ERBB4: variants seen among roughly 807,000 people sequenced by gnomAD.
ERBB4 encodes receptor tyrosine-protein kinase erbB-4.
ERBB4 carries 42 observed loss-of-function variants against 158.0 expected under a neutral mutation model. That is an observed-to-expected ratio of 0.27 (90% CI 0.21 to 0.34). The LOEUF is 0.34. Ranked by LOEUF, ERBB4 falls within the 10% of genes least tolerant of loss-of-function variation. ERBB4 has a pLI of 1.00. For missense variants in ERBB4, 1,333 were observed against 1,624.1 expected, an observed-to-expected ratio of 0.82 and a Z score of 3.08; for synonymous variants, 583 against 558.7, an observed-to-expected ratio of 1.04 and a Z score of -0.61.
chr2:212,518,707 T>C (rs1691976344), intron 1 of ERBB4, among the ~76,000 whole-genome samples: 1 of 151,986 alleles, frequency 6.6e-6, no homozygotes, highest in African/African-American at 2.4e-5. Context: ...ACAGCCCAAG[T>C]TGTTAAATGC....
At chr2:211,820,696 T>A (rs889363061) in intron 3 of ERBB4, among the ~76,000 whole-genome samples, 16 of 151,530 alleles carry the variant, frequency 1.1e-4, no homozygotes, top group Non-Finnish European at 2.2e-4. Flanking sequence ...CACCAAAATA[T>A]GAGGAAACCA....
chr2:212,049,379 TC>T (rs2077341062), intron 2 of ERBB4, among the ~76,000 whole-genome samples: 1 of 152,184 alleles, frequency 6.6e-6, no homozygotes, highest in Non-Finnish European at 1.5e-5. Flanking sequence ...AGTTTTGTTT[TC>T]CCTATTATTT....
At chr2:211,894,382 A>G (rs1357993272) in intron 3 of ERBB4, among the ~76,000 whole-genome samples, 1 of 139,038 alleles carries the variant, frequency 7.2e-6, no homozygotes, top group Non-Finnish European at 1.5e-5. Context: ...GGACACAGGA[A>G]GGGGAATATC....
At position 212,538,618 on chromosome 2, in the gene ERBB4, G is replaced by T; in HGVS notation, c.-88C>A. On this transcript the variant is annotated 5_prime_UTR_variant, in exon 1 of 28. Transcript: ENST00000342788. ...GGCACGCGGAGGAGATCCCCCAGCC[G>T]GGCGCGCGTGGGGGTGCGAGGGGGG... The T allele has an allele frequency of 7.3e-7, 1 of 1,369,730 alleles. No individual in the cohort carries two copies. The highest frequency in any genetic ancestry group is 1.2e-5 in the South Asian group (1 of 85,702). 84.8% of individuals were successfully genotyped at this position (1,369,730 alleles called of 1,614,324 possible).
At chr2:211,670,535 A>G (rs1249659911) in intron 14 of ERBB4, among the ~76,000 whole-genome samples, 1 of 152,204 alleles carries the variant, frequency 6.6e-6, no homozygotes, top group African/African-American at 2.4e-5. Context: ...TCACTAGCAC[A>G]ATTTTATGCA....
At chr2:212,285,178 G>T (rs1055144510) in intron 1 of ERBB4, among the ~76,000 whole-genome samples, 2 of 152,030 alleles carry the variant, frequency 1.3e-5, no homozygotes, top group African/African-American at 2.4e-5. Flanking sequence ...ATAGACTTTC[G>T]CCAAAACAGA....
At chr2:211,424,389 T>TA in intron 22 of ERBB4, 88 bp from the exon 23 acceptor site, 1 of 891,656 alleles carries the variant, frequency 1.1e-6, no homozygotes, top group Non-Finnish European at 1.8e-6. Context: ...AGAATACTCC[T>TA]TACAGGTCAA....
rs372230948 is a variant in ERBB4 at position 212,519,665 on chromosome 2, G to A, written c.82+18784C>T. 2.6e-5 allele frequency among the ~76,000 whole-genome samples: 4 copies of A among 151,882 alleles called. No individual in the cohort carries two copies. In the East Asian group the frequency reaches 5.8e-4, roughly 22 times the overall value. On this transcript the variant is annotated intron_variant, in intron 1 of 27. Transcript: ENST00000342788. ...CCTGGGTGAATCTGTCGGACATTAC[G>A]TTAAGAGAAATAACTTAGGCACAGA...
At chr2:212,418,503 C>T (rs2091712442) in intron 1 of ERBB4, among the ~76,000 whole-genome samples, 1 of 150,704 alleles carries the variant, frequency 6.6e-6, no homozygotes, top group South Asian at 2.1e-4. Flanking sequence ...TCAATAGAGT[C>T]TGCCTTGCTA....
intron 9 of ERBB4, among the ~76,000 whole-genome samples, chr2:211,708,036 T>C (rs532748162): frequency 5.3e-5 from 8 of 152,270 alleles, no homozygotes; most frequent in African/African-American, 1.9e-4. Context: ...TAATTCACTG[T>C]AAGTTTTCTG....
At chr2:212,308,257 C>G (rs773382998) in intron 1 of ERBB4, among the ~76,000 whole-genome samples, 1 of 151,032 alleles carries the variant, frequency 6.6e-6, no homozygotes, top group Non-Finnish European at 1.5e-5. Flanking sequence ...ATATTACCAG[C>G]CAAATTATAG....
At position 212,406,341 on chromosome 2, in the gene ERBB4, AC is replaced by A. The variant is rs111415713; in HGVS notation, c.82+132107del. ...ACTCCTTGAGAGTCTAAAGGAGACTACAAAAATCGGTTCACTTTGGACAGAT... is the reference window on the plus strand; with the variant it reads ...ACTCCTTGAGAGTCTAAAGGAGACTAAAAAATCGGTTCACTTTGGACAGAT... On this transcript the variant is annotated intron_variant, in intron 1 of 27. Transcript: ENST00000342788. 1.4e-3 allele frequency among the ~76,000 whole-genome samples: 212 copies of A among 152,252 alleles called. 1 individual carries two copies. Among genetic ancestry groups the A allele is most frequent in the Middle Eastern group, 6.8e-3 (2 of 294 alleles).
Position 212,205,130 on chromosome 2 carries a change from GAGACAGAC to G in ERBB4, c.83-80235_83-80228del, listed in dbSNP as rs562881556. On this transcript the variant is annotated intron_variant, in intron 1 of 27. Coordinates refer to ENST00000342788, the MANE Select transcript of ERBB4 (RefSeq NM_005235.3). ...ACCGTGCCTGGCCAACTTCCAGACA[GAGACAGAC>G]AGACAGACAGACAGACAGATAGACA... Among the ~76,000 whole-genome samples the G allele has an allele frequency of 3.5e-3, 531 of 151,916 alleles. 3 individuals are homozygous for G. Among genetic ancestry groups the G allele is most frequent in the African/African-American group, 0.012 (507 of 41,468 alleles).
intron 1 of ERBB4, among the ~76,000 whole-genome samples, chr2:212,315,954 A>G (rs1380208187): frequency 6.6e-6 from 1 of 151,518 alleles, no homozygotes; most frequent in East Asian, 2.0e-4. Flanking sequence ...ATTCATCTTA[A>G]TCTATTAATA....
intron 15 of ERBB4, chr2:211,658,043 T>C: frequency 7.3e-7 from 1 of 1,368,094 alleles, no homozygotes. Context: ...AAATTAGTCA[T>C]TTAAAAAATC....
At chr2:212,476,010 C>T (rs1469945367) in intron 1 of ERBB4, among the ~76,000 whole-genome samples, 1 of 152,034 alleles carries the variant, frequency 6.6e-6, no homozygotes, top group African/African-American at 2.4e-5. Flanking sequence ...GTACCCATAG[C>T]AATTATTCTT....
intron 15 of ERBB4, among the ~76,000 whole-genome samples, 190 bp downstream of exon 15, chr2:211,665,133 A>T (rs2071578632): frequency 6.6e-6 from 1 of 152,236 alleles, no homozygotes; most frequent in Non-Finnish European, 1.5e-5. Context: ...ATCTAAGCAG[A>T]AATATTTAAG....
intron 20 of ERBB4, among the ~76,000 whole-genome samples, chr2:211,533,954 A>G (rs2066574280): frequency 6.6e-6 from 1 of 152,092 alleles, no homozygotes; most frequent in Non-Finnish European, 1.5e-5. Context: ...TGACTTTCCT[A>G]TGATTTCTTA....
At chr2:211,772,955 A>ATATATTTTTT (rs1553630145) in intron 4 of ERBB4, among the ~76,000 whole-genome samples, 6 of 83,296 alleles carry the variant, frequency 7.2e-5, no homozygotes, top group South Asian at 9.7e-4. Flanking sequence ...ATATATATAT[A>ATATATTTTTT]TTTTTTTTTT....
Sources: allele counts gnomAD v4.1 joint callset (sites outside exome capture counted in the v4.1 genomes callset), GRCh38; gene constraint gnomAD v4.1.1; transcripts MANE v1.5; gene names NCBI Gene and HGNC (gene_info 2026-07-23, HGNC 2026-07-21).